ENOX2: variants seen among roughly 807,000 people sequenced by gnomAD.
ENOX2 encodes APK1 antigen.
Under a neutral mutation model 45.0 loss-of-function variants are expected in ENOX2, and 36 were observed. The observed-to-expected ratio is 0.80, with a 90% CI of 0.61 to 1.06. The LOEUF (loss-of-function observed/expected upper bound fraction) is 1.06. ENOX2 is among the 50% of genes least tolerant of loss of function. The probability of loss-of-function intolerance (pLI) is 0.00; values close to 1 mark genes in which losing one functional copy is unlikely to be tolerated. For synonymous variants in ENOX2, 174 were observed against 152.3 expected, an observed-to-expected ratio of 1.14 and a Z score of -1.05; for missense variants, 423 against 462.5, an observed-to-expected ratio of 0.91 and a Z score of 0.78.
At chrX:130,721,730 C>G (rs1418806705) in intron 3 of ENOX2, among the ~76,000 whole-genome samples, 1 of 112,089 alleles carries the variant, frequency 8.9e-6, no homozygotes, top group Non-Finnish European at 1.9e-5. Flanking sequence ...TAATGAGCAA[C>G]AGCCTACAGA....
At chrX:130,814,386 G>A (rs1250043379) in intron 2 of ENOX2, among the ~76,000 whole-genome samples, 3 of 112,171 alleles carry the variant, frequency 2.7e-5, no homozygotes, top group Non-Finnish European at 3.8e-5. Flanking sequence ...CACAGCTCTC[G>A]AGCTCTGCTA....
At chrX:130,832,174 T>C (rs977787447) in intron 2 of ENOX2, among the ~76,000 whole-genome samples, 6 of 110,972 alleles carry the variant, frequency 5.4e-5, no homozygotes, top group Non-Finnish European at 9.5e-5. Flanking sequence ...TCACTATACA[T>C]GCTTGGACAG....
chrX:130,661,341 A>C (rs569667607), intron 9 of ENOX2, among the ~76,000 whole-genome samples: 6 of 110,042 alleles, frequency 5.5e-5, no homozygotes, highest in Admixed American at 4.8e-4. Context: ...GGTGTGGGCC[A>C]CCACACCTGG....
intron 2 of ENOX2, among the ~76,000 whole-genome samples, chrX:130,813,292 C>T (rs1253429253): frequency 8.9e-6 from 1 of 112,372 alleles, no homozygotes; most frequent in Admixed American, 9.4e-5. Flanking sequence ...AAAGGACAGT[C>T]TCTTCAATAA....
In ENOX2 at chrX:130,624,564, T is replaced by C. The variant is rs1317102700; in HGVS notation, c.*750A>G. ...TCACAGAAAACTGAACATGCCCTCC[T>C]TTAAAAGCAGACTATTTACAAGTGA... On this transcript the variant is annotated 3_prime_UTR_variant, in exon 15 of 15. Coordinates refer to ENST00000394363, the MANE Select transcript of ENOX2 (RefSeq NM_006375.4). The C allele has an allele frequency of 8.9e-6, 1 of 112,797 alleles. No homozygotes were observed. Among genetic ancestry groups the C allele is most frequent in the East Asian group, 2.8e-4 (1 of 3,617 alleles). The allele number at this position is 112,797 out of a possible 1,213,427, so 9.3% of individuals were successfully genotyped here.
At chrX:130,802,715 A>G (rs1569503667) in intron 2 of ENOX2, among the ~76,000 whole-genome samples, 1 of 111,673 alleles carries the variant, frequency 9.0e-6, no homozygotes, top group South Asian at 3.7e-4. Context: ...TGCATTTTTA[A>G]TAATTACTAG....
intron 11 of ENOX2, among the ~76,000 whole-genome samples, chrX:130,635,547 G>C (rs2035910216): frequency 8.9e-6 from 1 of 112,189 alleles, no homozygotes; most frequent in East Asian, 2.8e-4. Flanking sequence ...TAGGCAGGAA[G>C]CTATATTTAG....
intron 3 of ENOX2, among the ~76,000 whole-genome samples, chrX:130,709,919 C>A (rs192088642): frequency 9.1e-6 from 1 of 109,948 alleles, no homozygotes; most frequent in African/African-American, 3.3e-5. Flanking sequence ...TCTCCTAGCC[C>A]CCCACCCCCT....
chrX:130,877,025 T>G (rs978837435), intron 2 of ENOX2, among the ~76,000 whole-genome samples: 1 of 111,676 alleles, frequency 9.0e-6, no homozygotes, highest in African/African-American at 3.3e-5. Flanking sequence ...CCTTTAAGGT[T>G]TCTTACAACC....
intron 2 of ENOX2, among the ~76,000 whole-genome samples, chrX:130,855,606 C>T (rs1479414208): frequency 2.7e-5 from 3 of 110,915 alleles, no homozygotes; most frequent in Non-Finnish European, 5.7e-5. Flanking sequence ...ATATGCTAGA[C>T]AAGCTTATTC....
At chrX:130,646,071 G>GATGGCTGCTGGCCAA (rs1339228054) in intron 10 of ENOX2, 1 of 549,592 alleles carries the variant, frequency 1.8e-6, no homozygotes, top group African/African-American at 2.3e-5. Flanking sequence ...GTACTGCTGC[G>GATGGCTGCTGGCCAA]ATGGCTGCTG....
chrX:130,736,698 G>C (rs2038869001), intron 3 of ENOX2, among the ~76,000 whole-genome samples: 1 of 111,829 alleles, frequency 8.9e-6, no homozygotes, highest in South Asian at 3.8e-4. Context: ...CCATGCTCTA[G>C]GGGGCTAAAT....
intron 10 of ENOX2, among the ~76,000 whole-genome samples, chrX:130,644,538 C>A (rs1317285564): frequency 9.0e-6 from 1 of 111,236 alleles, no homozygotes; most frequent in Non-Finnish European, 1.9e-5. Context: ...TACATCCAGA[C>A]AATGGAATAT....
chrX:130,741,844 A>G (rs2038989762), intron 3 of ENOX2, among the ~76,000 whole-genome samples: 1 of 111,894 alleles, frequency 8.9e-6, no homozygotes, highest in Admixed American at 9.5e-5. Flanking sequence ...GAGGGACTGA[A>G]GAGAGTCAAC....
At chrX:130,683,404 G>T in intron 5 of ENOX2, among the ~76,000 whole-genome samples, 1 of 112,194 alleles carries the variant, frequency 8.9e-6, no homozygotes, top group East Asian at 2.8e-4. Context: ...AAATTAGAAG[G>T]CTGGGGAATT....
intron 10 of ENOX2, among the ~76,000 whole-genome samples, chrX:130,654,217 CT>C (rs2036481958): frequency 8.9e-6 from 1 of 111,939 alleles, no homozygotes; most frequent in Non-Finnish European, 1.9e-5. Flanking sequence ...CAATAGATTG[CT>C]TTGTGTACAT....
rs186259410 is a variant in ENOX2, at chrX:130,651,521, A to G, written c.1129+5060T>C. 3.9e-3 allele frequency among the ~76,000 whole-genome samples: 439 copies of G among 111,604 alleles called. 2 individuals are homozygous for G. Among genetic ancestry groups the G allele is most frequent in the African/African-American group, 0.014 (426 of 30,705 alleles). ...CTGAAAACCTCTGGCCAGGCTTACCATGCCAATCCCCAACTCACAGTCACT... is the reference window on the plus strand; with the variant it reads ...CTGAAAACCTCTGGCCAGGCTTACCGTGCCAATCCCCAACTCACAGTCACT... On this transcript the variant is annotated intron_variant, in intron 10 of 14. Coordinates refer to ENST00000394363, the MANE Select transcript of ENOX2 (RefSeq NM_006375.4).
At chrX:130,800,666 C>A (rs376142470) in intron 2 of ENOX2, among the ~76,000 whole-genome samples, 25 of 112,101 alleles carry the variant, frequency 2.2e-4, no homozygotes, top group East Asian at 1.9e-3. Context: ...TTTACAACCT[C>A]ATCCAGCACA....
intron 3 of ENOX2, among the ~76,000 whole-genome samples, chrX:130,721,420 A>G (rs2038472069): frequency 1.8e-5 from 2 of 112,348 alleles, no homozygotes; most frequent in African/African-American, 3.2e-5. Flanking sequence ...CACTCATAGT[A>G]TATCTGCAGG....
Sources: allele counts gnomAD v4.1 joint callset (sites outside exome capture counted in the v4.1 genomes callset), GRCh38; gene constraint gnomAD v4.1.1; transcripts MANE v1.5; gene names NCBI Gene and HGNC (gene_info 2026-07-23, HGNC 2026-07-21).